ZNF534: variants seen among roughly 807,000 people sequenced by gnomAD.
ZNF534 encodes the protein KRAB domain only 3.
A neutral mutation model predicts 13.6 loss-of-function variants in ZNF534; 19 were observed. The observed-to-expected ratio is 1.40, with a 90% CI of 0.97 to 2.05. ZNF534 has a LOEUF of 2.05. ZNF534 is among the 30% of genes most tolerant of loss of function. ZNF534 has a pLI of 0.00. For missense variants in ZNF534, 782 were observed against 796.3 expected (o/e 0.98, Z 0.22); for synonymous variants, 244 against 273.8 (o/e 0.89, Z 1.07).
rs770506801 is a variant in ZNF534 at position 52,438,423 on chromosome 19, T to C, written c.963T>C (p.Thr321=). 1.9e-6 allele frequency: 3 copies of C among 1,613,530 alleles called. No homozygotes were observed. The highest frequency in any genetic ancestry group is 2.5e-6 in the Non-Finnish European group (3 of 1,179,690). Residue 321 remains threonine, a synonymous_variant, in exon 5 of 5, where the codon ACT becomes ACC. Coordinates refer to ENST00000433050, the MANE Select transcript of ZNF534 (RefSeq NM_001143938.3). The stretch of plus-strand genomic sequence containing the variant: ...TTACTGCTCATCTTGTAATCCATAC[T>C]GGAGAGAAACCTTATGATTGTAAGG... ...SSLTAHLVIH[T]GEKPYDCKEC... is the part of the protein sequence containing the mutation.
At chr19:52,446,635 A>G (rs1236279486), downstream of ZNF534, among the ~76,000 whole-genome samples, 1 of 152,188 alleles carries the variant, frequency 6.6e-6, no homozygotes, top group Non-Finnish European at 1.5e-5. Flanking sequence ...AAGCAGGAGA[A>G]TCATTTGAGC....
downstream of ZNF534, among the ~76,000 whole-genome samples, chr19:52,446,228 TAC>T (rs2059193952): frequency 6.6e-6 from 1 of 152,110 alleles, no homozygotes; most frequent in Non-Finnish European, 1.5e-5. Context: ...ACATGCCAAT[TAC>T]AGTTTGTGAC....
In ZNF534 at chr19:52,434,097, G is replaced by GT; in HGVS notation, c.142+17dup. Reference sequence around the variant, plus strand: ...GTCTCCCTAGGTGAGGATAATGTCCGTCCAGAAGCCTGCATCTGCTCTGGT... The same window carrying GT: ...GTCTCCCTAGGTGAGGATAATGTCCGTTCCAGAAGCCTGCATCTGCTCTGGT... On this transcript the variant is annotated intron_variant, in intron 3 of 4. Transcript: ENST00000433050. The GT allele has an allele frequency of 2.5e-6, 4 of 1,609,858 alleles. No individual in the cohort carries two copies. The highest frequency in any genetic ancestry group is 3.4e-6 in the Non-Finnish European group (4 of 1,178,796).
intron 4 of ZNF534, among the ~76,000 whole-genome samples, chr19:52,447,659 T>C (rs1458426203): frequency 2.6e-5 from 4 of 152,196 alleles, no homozygotes; most frequent in African/African-American, 9.6e-5. Flanking sequence ...TTTTATCATG[T>C]TAATATCGTG....
intron 3 of ZNF534, among the ~76,000 whole-genome samples, chr19:52,434,859 C>T (rs1249581315): frequency 6.6e-6 from 1 of 152,100 alleles, no homozygotes. Flanking sequence ...ATATCCAGTT[C>T]CCTGTTTTCT....
chr19:52,432,048 GTCA>G lies in ZNF534; in HGVS notation c.15+564_15+566del, dbSNP rs756589838. ...AACCTATAGTTTTTATAAATAGCAT[GTCA>G]TCATTATATATATATATATTTTTAT... On this transcript the variant is annotated intron_variant, in intron 2 of 4. Transcript: ENST00000433050. 2.2e-4 allele frequency among the ~76,000 whole-genome samples: 34 copies of G among 151,548 alleles called. 1 individual carries two copies. Among genetic ancestry groups the G allele is most frequent in the Non-Finnish European group, 2.4e-4 (16 of 67,940 alleles).
At chr19:52,447,071 A>G (rs1377536350), downstream of ZNF534, among the ~76,000 whole-genome samples, 1 of 152,128 alleles carries the variant, frequency 6.6e-6, no homozygotes, top group Non-Finnish European at 1.5e-5. Context: ...CTCTGTCCTG[A>G]TGTTTTCACC....
chr19:52,438,755 A>G lies in ZNF534; in HGVS notation c.1295A>G (p.His432Arg). The G allele has an allele frequency of 6.2e-7, 1 of 1,602,448 alleles. No individual in the cohort carries two copies. Among genetic ancestry groups the G allele is most frequent in the Non-Finnish European group, 8.5e-7 (1 of 1,174,050 alleles). ...CSDLTAHLLIHTGEKPYECID... is the reference protein window; with the variant it reads ...CSDLTAHLLIRTGEKPYECID... ...GATCTCACTGCCCATCTTCTAATCC[A>G]TACTGGAGAGAAACCTTACGAATGT... Residue 432 changes from histidine (H) to arginine (R), a missense_variant, in exon 5 of 5, where the codon CAT becomes CGT. By Grantham distance (29) the His-to-Arg change is conservative. Around this residue, in one of 5 missense-constraint regions of ZNF534, gnomAD observed 591 missense variants for 574.0 expected, o/e 1.03. Transcript: ENST00000433050.
downstream of ZNF534, among the ~76,000 whole-genome samples, chr19:52,442,948 A>G (rs1478681783): frequency 6.6e-6 from 1 of 152,222 alleles, no homozygotes; most frequent in Non-Finnish European, 1.5e-5. Context: ...AGGATGCAGT[A>G]CTTCTGTGCT....
In ZNF534 at chr19:52,435,076, A is replaced by T. The variant is rs2059119692; in HGVS notation, c.143-5A>T. ...CACACATTTATTCTTTCTTTTTGTA[A>T]GTAGGAATCTGTCTTCCTGACCTGA... is the stretch of plus-strand genomic sequence containing the variant. On this transcript the variant is annotated splice_region_variant and splice_polypyrimidine_tract_variant and intron_variant, in intron 3 of 4. Coordinates refer to ENST00000433050, the MANE Select transcript of ZNF534 (RefSeq NM_001143938.3). 8.1e-6 allele frequency: 13 copies of T among 1,610,418 alleles called. No individual in the cohort carries two copies. The highest frequency in any genetic ancestry group is 1.1e-5 in the South Asian group (1 of 90,324).
rs944161037 is a variant in ZNF534, at chr19:52,440,737, C to T, written c.*1291C>T. On this transcript the variant is annotated 3_prime_UTR_variant, in exon 5 of 5. Coordinates refer to ENST00000433050, the MANE Select transcript of ZNF534 (RefSeq NM_001143938.3). ...TGGAGGTTGCAGTGAGCCAAGAATG[C>T]GCTACTACACTCCAGCCTGTGTGAC... Among the ~76,000 whole-genome samples, 6 of 150,138 alleles carry T rather than the reference C, an allele frequency of 4.0e-5. No homozygotes were observed. Among genetic ancestry groups the T allele is most frequent in the African/African-American group, 7.4e-5 (3 of 40,644 alleles).
At chr19:52,429,986 G>A (rs529022007) in intron 1 of ZNF534, among the ~76,000 whole-genome samples, 190 of 151,406 alleles carry the variant, frequency 1.3e-3, no homozygotes, top group African/African-American at 4.4e-3. Context: ...TGCCCTCCAG[G>A]CACATGAGTA....
At chr19:52,431,598 T>C (rs974558494) in intron 2 of ZNF534, 109 bp downstream of exon 2, 3 of 1,414,678 alleles carry the variant, frequency 2.1e-6, no homozygotes, top group Non-Finnish European at 3.0e-6. Context: ...CTCATTTCAT[T>C]GCACTTACCC....
chr19:52,432,901 A>G (rs1457097431), intron 2 of ZNF534, among the ~76,000 whole-genome samples: 2 of 152,088 alleles, frequency 1.3e-5, no homozygotes, highest in Non-Finnish European at 2.9e-5. Flanking sequence ...AAGTGCTGGG[A>G]TTACAGGTGT....
At chr19:52,434,464 C>CAAAAAAAA (rs528136970) in intron 3 of ZNF534, among the ~76,000 whole-genome samples, 2 of 63,108 alleles carry the variant, frequency 3.2e-5, no homozygotes, top group African/African-American at 5.9e-5. Flanking sequence ...GACTCCGTCT[C>CAAAAAAAA]AAAAAAAAAA....
exon 5 of ZNF534, chr19:52,451,344 G>A (rs930352211): frequency 1.3e-5 from 14 of 1,047,130 alleles, no homozygotes; most frequent in Admixed American, 9.8e-5. Context: ...TTTCTGCTTC[G>A]CTTGGCGATG....
At chr19:52,447,432 C>T (rs1414906551), downstream of ZNF534, among the ~76,000 whole-genome samples, 2 of 152,162 alleles carry the variant, frequency 1.3e-5, no homozygotes, top group Non-Finnish European at 2.9e-5. Flanking sequence ...TTGTTTCATT[C>T]TCAACCTCTG....
downstream of ZNF534, among the ~76,000 whole-genome samples, chr19:52,443,957 C>T (rs1026190434): frequency 6.6e-6 from 1 of 151,994 alleles, no homozygotes; most frequent in Non-Finnish European, 1.5e-5. Context: ...TCTAGTGCCT[C>T]CTTGATTAGC....
At chr19:52,444,248 T>G (rs750001148), downstream of ZNF534, among the ~76,000 whole-genome samples, 3 of 152,094 alleles carry the variant, frequency 2.0e-5, no homozygotes, top group Non-Finnish European at 2.9e-5. Flanking sequence ...AGAGCTGAGC[T>G]GTAGTGATTG....
Sources: gnomAD v4.1 joint callset for allele counts (sites outside exome capture counted in the v4.1 genomes callset) on GRCh38, gnomAD v4.1.1 for gene constraint, gnomAD v4.1.1 regional missense constraint, MANE v1.5 for transcripts, NCBI Gene and HGNC (gene_info 2026-07-23, HGNC 2026-07-21) for gene names.